ZNF333: variants seen among roughly 807,000 people sequenced by gnomAD.
ZNF333 encodes the protein zinc finger protein 333.
Under a neutral mutation model 76.1 loss-of-function variants are expected in ZNF333, and 61 were observed. The observed-to-expected ratio is 0.80, with a 90% CI of 0.65 to 0.99. ZNF333 has a LOEUF of 0.99. ZNF333 is among the 50% of genes least tolerant of loss of function. ZNF333 has a pLI of 0.00. For missense variants in ZNF333, 717 were observed against 822.4 expected, an observed-to-expected ratio of 0.87 and a Z score of 1.57; for synonymous variants, 284 against 305.0, an observed-to-expected ratio of 0.93 and a Z score of 0.72.
intron 7 of ZNF333, 92 bp from the exon 8 acceptor site, chr19:14,715,290 A>C (rs2042396450): frequency 9.7e-7 from 1 of 1,032,294 alleles, no homozygotes; most frequent in Non-Finnish European, 1.5e-6. Context: ...TACACATGTG[A>C]TCACTCACAG....
At chr19:14,709,525 C>G (rs2042217474) in intron 7 of ZNF333, among the ~76,000 whole-genome samples, 1 of 152,216 alleles carries the variant, frequency 6.6e-6, no homozygotes, top group Non-Finnish European at 1.5e-5. Flanking sequence ...ATGCTGCAGA[C>G]TGAATTGTGC....
chr19:14,699,785 G>A (rs951176595), intron 5 of ZNF333, among the ~76,000 whole-genome samples: 1 of 152,034 alleles, frequency 6.6e-6, no homozygotes, highest in Non-Finnish European at 1.5e-5. Context: ...TTGAGCGTGC[G>A]AAATACGACT....
chr19:14,718,783 G>A lies in ZNF333; in HGVS notation c.1456G>A (p.Ala486Thr). Residue 486 changes from alanine to threonine, a missense_variant, in exon 12 of 12, where the codon GCC becomes ACC. Ala to Thr is a moderately conservative substitution (Grantham distance 58). Transcript: ENST00000292530. ...KPFECSQCGKAFREHSSLKTH... is the reference protein window; with the variant it reads ...KPFECSQCGKTFREHSSLKTH... ...CTTTGAATGCAGCCAGTGTGGGAAA[G>A]CCTTCAGGGAACACTCTTCACTGAA... The A allele has an allele frequency of 1.2e-6, 2 of 1,614,074 alleles. No individual in the cohort carries two copies. The highest frequency in any genetic ancestry group is 1.7e-6 in the Non-Finnish European group (2 of 1,180,006).
chr19:14,724,727 T>C (rs1210234345), downstream of ZNF333, among the ~76,000 whole-genome samples: 2 of 152,088 alleles, frequency 1.3e-5, no homozygotes. Flanking sequence ...CATCATGCCA[T>C]TGCACTCCAG....
Position 14,708,623 on chromosome 19 carries a change from TC to T in ZNF333, c.511+1852del, listed in dbSNP as rs533881422. The T allele has an allele frequency of 2.7e-3, 988 of 363,406 alleles. 4 individuals are homozygous for T. The highest frequency in any genetic ancestry group is 7.4e-3 in the Middle Eastern group (12 of 1,618). The allele number at this position is 363,406 out of a possible 1,614,324, so 22.5% of individuals were successfully genotyped here. On this transcript the variant is annotated intron_variant, in intron 7 of 11. Transcript: ENST00000292530. Reference sequence around the variant, plus strand: ...CCTGTTCACTCTCAGCTGTGGGCCGTCCTGTGCATTATAGGATGCTGAGCAG... The same window carrying T: ...CCTGTTCACTCTCAGCTGTGGGCCGTCTGTGCATTATAGGATGCTGAGCAG...
At chr19:14,730,473 TTTTC>T (rs1372670574) in intron 11 of ZNF333, among the ~76,000 whole-genome samples, 8 of 151,792 alleles carry the variant, frequency 5.3e-5, no homozygotes, top group Admixed American at 1.3e-4. Flanking sequence ...TCTTTCACTT[TTTTC>T]TTTTTCTTTC....
At chr19:14,699,477 T>G in intron 5 of ZNF333, 196 bp downstream of exon 5, 2 of 515,904 alleles carry the variant, frequency 3.9e-6, no homozygotes, top group Non-Finnish European at 7.0e-6. Flanking sequence ...TTTTTTTTTT[T>G]TGAGACAGAG....
chr19:14,727,271 G>A (rs185872175), intron 11 of ZNF333, among the ~76,000 whole-genome samples: 233 of 152,092 alleles, frequency 1.5e-3, no homozygotes, highest in African/African-American at 4.8e-3. Flanking sequence ...CTTGTGATCC[G>A]CCCGCCTTGG....
At chr19:14,703,295 A>G (rs564027702) in intron 5 of ZNF333, among the ~76,000 whole-genome samples, 6 of 152,138 alleles carry the variant, frequency 3.9e-5, no homozygotes, top group African/African-American at 7.2e-5. Flanking sequence ...CCATGATTCA[A>G]TTACCTCCCA....
intron 11 of ZNF333, among the ~76,000 whole-genome samples, chr19:14,726,981 A>G (rs1313535437): frequency 1.3e-5 from 2 of 150,012 alleles, no homozygotes; most frequent in African/African-American, 4.9e-5. Context: ...TTGCGTTGCT[A>G]TAAAGGAATA....
chr19:14,693,301 G>A (rs1972909192), intron 1 of ZNF333, 150 bp from the exon 2 acceptor site: 2 of 475,108 alleles, frequency 4.2e-6, no homozygotes, highest in East Asian at 3.2e-5. Context: ...AGAGGCTGTT[G>A]TTTGAAAGGT....
intron 7 of ZNF333, chr19:14,708,894 C>G (rs986292251): frequency 3.9e-5 from 6 of 152,342 alleles, no homozygotes; most frequent in African/African-American, 1.2e-4. Flanking sequence ...CTGTCCATGT[C>G]TGTGTCCAAA....
At chr19:14,692,098 C>T (rs1972818220) in intron 1 of ZNF333, among the ~76,000 whole-genome samples, 1 of 151,194 alleles carries the variant, frequency 6.6e-6, no homozygotes, top group South Asian at 2.1e-4. Flanking sequence ...GAATTGGACC[C>T]TGTACATGGG....
At chr19:14,729,921 C>A (rs996262630) in intron 11 of ZNF333, among the ~76,000 whole-genome samples, 2 of 152,248 alleles carry the variant, frequency 1.3e-5, no homozygotes, top group African/African-American at 4.8e-5. Context: ...CCAGTGGGAT[C>A]CCTGCTAGTT....
Position 14,706,734 on chromosome 19 carries a change from A to C in ZNF333, c.472A>C (p.Thr158Pro). The C allele has an allele frequency of 6.2e-7, 1 of 1,614,010 alleles. No homozygotes were observed. The highest frequency in any genetic ancestry group is 8.5e-7 in the Non-Finnish European group (1 of 1,179,998). The part of the protein sequence containing the change: ...QIQRVVIPVP[T>P]LGHRNPWVAR... ...TCAGAGGGTGGTGATACCAGTGCCT[A>C]CTCTGGGCCACCGCAACCCATGGGT... The change falls in exon 7 of 12, where the codon ACT (threonine) becomes CCT (proline). Residue 158 changes from threonine to proline, a missense_variant. By Grantham distance (38) the Thr-to-Pro change is conservative. Transcript: ENST00000292530.
chr19:14,699,433 G>A, intron 5 of ZNF333, 152 bp downstream of exon 5: 1 of 645,990 alleles, frequency 1.5e-6, no homozygotes. Context: ...TGTGACTTCT[G>A]AATTTGGGCA....
At chr19:14,698,542 C>T (rs898139400) in intron 4 of ZNF333, among the ~76,000 whole-genome samples, 9 of 150,758 alleles carry the variant, frequency 6.0e-5, no homozygotes, top group African/African-American at 2.2e-4. Flanking sequence ...GAGACCCTAT[C>T]TCAAAAATAA....
At chr19:14,703,787 G>T (rs1384056382) in intron 5 of ZNF333, among the ~76,000 whole-genome samples, 2 of 152,178 alleles carry the variant, frequency 1.3e-5, no homozygotes, top group Non-Finnish European at 2.9e-5. Flanking sequence ...TATTGGCTGG[G>T]TGAGAGTGAG....
At chr19:14,710,501 G>C (rs2042244241) in intron 7 of ZNF333, among the ~76,000 whole-genome samples, 2 of 152,262 alleles carry the variant, frequency 1.3e-5, no homozygotes, top group South Asian at 4.1e-4. Flanking sequence ...GGGGGTGCCA[G>C]GTGTGGTGGC....
Sources: allele counts gnomAD v4.1 joint callset (sites outside exome capture counted in the v4.1 genomes callset), GRCh38; gene constraint gnomAD v4.1.1; transcripts MANE v1.5; gene names NCBI Gene and HGNC (gene_info 2026-07-23, HGNC 2026-07-21).